The following MYO18B variants were observed in gnomAD, a reference collection of about 807,000 sequenced individuals.
The protein encoded by MYO18B is myosin XVIIIB, also known as unconventional myosin-XVIIIb.
In MYO18B, 204 loss-of-function variants were observed where a neutral mutation model predicts 273.0. The ratio of observed to expected loss-of-function variants is 0.75; its 90% confidence interval spans 0.67 to 0.84. The LOEUF (loss-of-function observed/expected upper bound fraction) is 0.84, where lower values mean the gene tolerates loss of function less well. Among genes scored for constraint, MYO18B ranks in the 40% least tolerant of loss-of-function variants. The pLI is 0.00. For missense variants in MYO18B, 3,212 were observed against 3,287.6 expected (o/e 0.98, Z 0.56); for synonymous variants, 1,330 against 1,305.7 (o/e 1.02, Z -0.40).
intron 12 of MYO18B, among the ~76,000 whole-genome samples, chr22:25,818,697 A>G (rs1276131259): frequency 1.3e-5 from 2 of 152,210 alleles, no homozygotes; most frequent in Non-Finnish European, 2.9e-5. Context: ...AAGTCTCTGC[A>G]GCCAGCAGGA....
intron 42 of MYO18B, among the ~76,000 whole-genome samples, chr22:26,018,406 C>T (rs1042747997): frequency 2.6e-5 from 4 of 152,054 alleles, no homozygotes; most frequent in African/African-American, 9.7e-5. Flanking sequence ...GGCTATCCTT[C>T]CCCCAAACCC....
intron 39 of MYO18B, among the ~76,000 whole-genome samples, chr22:25,985,420 A>G (rs1420898635): frequency 6.6e-6 from 1 of 152,128 alleles, no homozygotes; most frequent in African/African-American, 2.4e-5. Flanking sequence ...AATCTTCAGG[A>G]TAATTATGAG....
intron 34 of MYO18B, among the ~76,000 whole-genome samples, chr22:25,942,134 G>A (rs1296441732): frequency 6.6e-6 from 1 of 152,198 alleles, no homozygotes; most frequent in African/African-American, 2.4e-5. Context: ...TTTTATAGAG[G>A]AGGAAAACTG....
chr22:25,890,734 A>C, intron 25 of MYO18B, 22 bp from the exon 26 acceptor site: 3 of 1,613,330 alleles, frequency 1.9e-6, no homozygotes, highest in Non-Finnish European at 2.5e-6. Context: ...CCGTTCCTTG[A>C]TCACCCCATT....
intron 41 of MYO18B, among the ~76,000 whole-genome samples, chr22:26,003,522 G>T (rs1934163816): frequency 6.6e-6 from 1 of 152,190 alleles, no homozygotes; most frequent in African/African-American, 2.4e-5. Flanking sequence ...GCCTTCTCAT[G>T]CTACTGTCCT....
intron 12 of MYO18B, among the ~76,000 whole-genome samples, chr22:25,814,382 C>T (rs1008776790): frequency 2.9e-5 from 4 of 139,444 alleles, no homozygotes; most frequent in Non-Finnish European, 4.5e-5. Flanking sequence ...TGCAATGGCA[C>T]GATCTCGGCC....
chr22:25,868,411 A>G (rs776326911), intron 22 of MYO18B, 26 bp downstream of exon 22: 2 of 1,567,164 alleles, frequency 1.3e-6, no homozygotes, highest in South Asian at 1.2e-5. Context: ...TTCTTACAAC[A>G]TTCGCCCATC....
At chr22:25,999,495 ACAAGTT>A (rs1039657060) in intron 40 of MYO18B, among the ~76,000 whole-genome samples, 3 of 150,866 alleles carry the variant, frequency 2.0e-5, no homozygotes, top group African/African-American at 4.9e-5. Context: ...AATTCCTGGC[ACAAGTT>A]CAAGTTCTTC....
downstream of MYO18B, among the ~76,000 whole-genome samples, chr22:26,031,395 T>A (rs1936663486): frequency 6.6e-6 from 1 of 152,164 alleles, no homozygotes; most frequent in South Asian, 2.1e-4. Context: ...GTAAATTCCT[T>A]CTGAGAGCTG....
intron 25 of MYO18B, among the ~76,000 whole-genome samples, chr22:25,890,141 T>C (rs977248506): frequency 2.0e-5 from 3 of 152,210 alleles, no homozygotes; most frequent in Non-Finnish European, 4.4e-5. Flanking sequence ...TATAAGTTTA[T>C]GTAGTAGCTA....
rs1248840140 is a variant in MYO18B at position 25,948,451 on chromosome 22, CTTCCTTCCTTCT to C, written c.5748+627_5748+638del. ...CCTTCCTTCCTTCCTTCCTTCCTTCCTTCCTTCCTTCTTTCTTTCTTTCTTTCTTTCTTTCTC... is the reference window on the plus strand; with the variant it reads ...CCTTCCTTCCTTCCTTCCTTCCTTCCTTCTTTCTTTCTTTCTTTCTTTCTC... On this transcript the variant is annotated intron_variant, in intron 36 of 43. Coordinates refer to ENST00000335473, the MANE Select transcript of MYO18B (RefSeq NM_032608.7). Among the ~76,000 whole-genome samples, 525 of 98,962 alleles carry C rather than the reference CTTCCTTCCTTCT, an allele frequency of 5.3e-3. 6 individuals are homozygous for C. Among genetic ancestry groups the C allele is most frequent in the South Asian group, 0.03 (93 of 3,076 alleles). The allele number at this position is 98,962 out of a possible 152,430, so 64.9% of individuals were successfully genotyped here.
At chr22:26,061,419 T>C in the MYO18B span, among the ~76,000 whole-genome samples, 570 of 152,098 alleles carry the variant, frequency 3.7e-3, no homozygotes, top group Non-Finnish European at 6.3e-3. Context: ...CTGTTGGAGT[T>C]TTGCTTTGAA....
At chr22:25,788,916 C>T (rs1022620105) in intron 11 of MYO18B, among the ~76,000 whole-genome samples, 4 of 152,164 alleles carry the variant, frequency 2.6e-5, no homozygotes, top group Non-Finnish European at 4.4e-5. Flanking sequence ...TCGATTTTTT[C>T]CTTTTCGAAA....
intron 12 of MYO18B, among the ~76,000 whole-genome samples, chr22:25,815,649 A>C (rs2088967710): frequency 6.6e-6 from 1 of 152,164 alleles, no homozygotes; most frequent in Non-Finnish European, 1.5e-5. Flanking sequence ...ATGCCTCCTT[A>C]TCCATCTTTC....
At chr22:25,779,440 C>T (rs76056785) in intron 8 of MYO18B, among the ~76,000 whole-genome samples, 3,851 of 152,318 alleles carry the variant, frequency 0.025, 71 homozygotes, top group Non-Finnish European at 0.04. Context: ...TATACTGCTT[C>T]TCCACTGGGG....
intron 34 of MYO18B, among the ~76,000 whole-genome samples, chr22:25,923,048 C>G (rs184191153): frequency 6.6e-6 from 1 of 152,314 alleles, no homozygotes; most frequent in Non-Finnish European, 1.5e-5. Flanking sequence ...TCAGGCTGAC[C>G]TTGCTTTTTA....
In MYO18B at chr22:25,947,805, A is replaced by G. The variant is rs2092732640; in HGVS notation, c.5725A>G (p.Lys1909Glu). The change falls in exon 36 of 44, where the codon AAG becomes GAG. Residue 1909 changes from lysine (K) to glutamate (E), a missense_variant. Transcript: ENST00000335473. ...DQDDLNELMQKHKDLIAQSAA... is the reference protein window; with the variant it reads ...DQDDLNELMQEHKDLIAQSAA... ...GGATGACCTGAATGAGCTGATGCAG[A>G]AGCACAAGGACCTCATTGCTCAGGT... 1.2e-6 allele frequency: 2 copies of G among 1,613,828 alleles called. No homozygotes were observed. The highest frequency in any genetic ancestry group is 8.5e-7 in the Non-Finnish European group (1 of 1,179,792).
intron 19 of MYO18B, among the ~76,000 whole-genome samples, chr22:25,847,197 A>G (rs1403540157): frequency 6.6e-6 from 1 of 152,112 alleles, no homozygotes; most frequent in Non-Finnish European, 1.5e-5. Context: ...ACTGGTCTGT[A>G]TGACCTGGGG....
At chr22:26,050,180 A>G in the MYO18B span, among the ~76,000 whole-genome samples, 1 of 152,240 alleles carries the variant, frequency 6.6e-6, no homozygotes, top group Non-Finnish European at 1.5e-5. Context: ...CTCCCGCAGA[A>G]TCACTACCTA....
Sources: allele counts gnomAD v4.1 joint callset (sites outside exome capture counted in the v4.1 genomes callset), GRCh38; gene constraint gnomAD v4.1.1; transcripts MANE v1.5; gene names NCBI Gene and HGNC (gene_info 2026-07-23, HGNC 2026-07-21).